The following AGAP1 variants were observed in gnomAD, a reference collection of about 807,000 sequenced individuals.
AGAP1 encodes the protein arf-GAP with GTPase, ANK repeat and PH domain-containing protein 1.
A neutral mutation model predicts 105.3 loss-of-function variants in AGAP1; 29 were observed. The observed-to-expected ratio is 0.28, with a 90% CI of 0.21 to 0.38. The LOEUF is 0.38. AGAP1 is among the 10% of genes least tolerant of loss of function. AGAP1 has a pLI of 1.00. For missense variants in AGAP1, 998 were observed against 1,165.1 expected (o/e 0.86, Z 2.09); for synonymous variants, 509 against 485.9 (o/e 1.05, Z -0.63).
chr2:235,511,711 T>A (rs1031939760), intron 1 of AGAP1, among the ~76,000 whole-genome samples: 17 of 152,024 alleles, frequency 1.1e-4, no homozygotes. Flanking sequence ...CCCTGGCAGT[T>A]CTTCTATTTG....
rs572296791 is a variant in AGAP1, at chr2:236,044,347, G to A, written c.1891+3506G>A. On this transcript the variant is annotated intron_variant, in intron 15 of 17. Coordinates refer to ENST00000304032, the MANE Select transcript of AGAP1 (RefSeq NM_001037131.3). This position sits in a 1 kb window ranked among gnomAD's most constrained non-coding sequence, Gnocchi z 5.7. ...CCTGAGGGCCCCTGAGAATCCTAGG[G>A]CTTGGGACCCTCAGTGGCTCTCACC... 6.6e-6 allele frequency among the ~76,000 whole-genome samples: 1 copy of A among 152,256 alleles called. No individual in the cohort carries two copies. Among genetic ancestry groups the A allele is most frequent in the East Asian group, 1.9e-4 (1 of 5,168 alleles).
At chr2:235,902,726 G>A (rs2051126773) in intron 10 of AGAP1, among the ~76,000 whole-genome samples, 1 of 152,148 alleles carries the variant, frequency 6.6e-6, no homozygotes, top group Non-Finnish European at 1.5e-5. Flanking sequence ...AAAAGTGGCT[G>A]GTTCAGCTTG....
Position 235,806,630 on chromosome 2 carries a change from G to A in AGAP1, c.958-609G>A, listed in dbSNP as rs565484570. 2.2e-4 allele frequency among the ~76,000 whole-genome samples: 33 copies of A among 152,252 alleles called. No homozygotes were observed. The South Asian group carries it at 5.4e-3, about 25-fold the overall frequency. ...ATTATTTCCCAAATACTGACCTTTC[G>A]TCCAAAGGCGATTATCAGGGGTTTT... On this transcript the variant is annotated intron_variant, in intron 8 of 17. Transcript: ENST00000304032.
chr2:235,912,910 G>T (rs1272879565), intron 11 of AGAP1, among the ~76,000 whole-genome samples: 4 of 152,128 alleles, frequency 2.6e-5, no homozygotes, highest in Admixed American at 2.6e-4. Context: ...CATGTATTAG[G>T]TGTATGTGTT....
chr2:235,558,116 G>T (rs1944029760), intron 1 of AGAP1, among the ~76,000 whole-genome samples: 1 of 152,160 alleles, frequency 6.6e-6, no homozygotes, highest in Admixed American at 6.5e-5. Context: ...TCCCTGTGTG[G>T]AAGGGGCCTT....
rs1411736206 is a variant in AGAP1 at position 235,572,494 on chromosome 2, C to G, written c.163+77645C>G. On this transcript the variant is annotated intron_variant, in intron 1 of 17. Transcript: ENST00000304032. ...AGGTGCTCCTCTGTCCTCTAGATGTCCTGCCTCCTGCGTCCTTTGCACCAT... is the reference window on the plus strand; with the variant it reads ...AGGTGCTCCTCTGTCCTCTAGATGTGCTGCCTCCTGCGTCCTTTGCACCAT... Among the ~76,000 whole-genome samples, 3 of 152,116 alleles carry G rather than the reference C, an allele frequency of 2.0e-5. No individual in the cohort carries two copies. The East Asian group carries it at 5.8e-4, about 29-fold the overall frequency.
At chr2:235,921,196 C>T (rs1262681369) in intron 11 of AGAP1, among the ~76,000 whole-genome samples, 3 of 152,044 alleles carry the variant, frequency 2.0e-5, no homozygotes, top group African/African-American at 7.2e-5. Flanking sequence ...CCAAAACTAT[C>T]CAGAAGTAGA....
intron 16 of AGAP1, among the ~76,000 whole-genome samples, chr2:236,106,985 G>A (rs560477977): frequency 1.3e-5 from 2 of 152,298 alleles, no homozygotes; most frequent in South Asian, 2.1e-4. Flanking sequence ...CATCCTGTGC[G>A]GAGGCTCAAT....
intron 3 of AGAP1, among the ~76,000 whole-genome samples, chr2:235,726,505 G>C (rs565621468): frequency 2.0e-5 from 3 of 152,290 alleles, no homozygotes; most frequent in African/African-American, 7.2e-5. Flanking sequence ...GCATTTACCT[G>C]TTTATTGCGG....
Position 235,877,124 on chromosome 2 carries a change from C to T in AGAP1, c.1051-6221C>T, listed in dbSNP as rs1224158666. Among the ~76,000 whole-genome samples the T allele has an allele frequency of 1.3e-5, 2 of 152,050 alleles. No homozygotes were observed. Among genetic ancestry groups the T allele is most frequent in the African/African-American group, 4.8e-5 (2 of 41,376 alleles). ...CCTCCCAAAGTGCTGGAATTACAGG[C>T]ATGAGCCACCACGCCCTGCCAGAGC... On this transcript the variant is annotated intron_variant, in intron 9 of 17. Coordinates refer to ENST00000304032, the MANE Select transcript of AGAP1 (RefSeq NM_001037131.3). This position sits in a 1 kb window ranked among gnomAD's most constrained non-coding sequence, Gnocchi z 4.3.
Position 235,908,735 on chromosome 2 carries a change from C to T in AGAP1, c.1156-3C>T, listed in dbSNP as rs1470004460. 7.0e-6 allele frequency: 11 copies of T among 1,578,218 alleles called. No individual in the cohort carries two copies. The Admixed American group carries it at 2.1e-4, about 29-fold the overall frequency. On this transcript the variant is annotated splice_region_variant and splice_polypyrimidine_tract_variant and intron_variant, in intron 10 of 17. Coordinates refer to ENST00000304032, the MANE Select transcript of AGAP1 (RefSeq NM_001037131.3). The surrounding 1 kb of genome is among the most constrained non-coding windows in gnomAD (Gnocchi z 4.4). ...TCTCTTGGATGTTTAACATTTTCAA[C>T]AGGATTACATGCAGAATGTTCATGG...
chr2:235,646,563 T>C (rs1947393879), intron 1 of AGAP1, among the ~76,000 whole-genome samples: 1 of 152,232 alleles, frequency 6.6e-6, no homozygotes. Flanking sequence ...TGGGTTAGGC[T>C]TGCTGAATTT....
At chr2:235,509,618 A>G (rs997522774) in intron 1 of AGAP1, among the ~76,000 whole-genome samples, 34 of 152,094 alleles carry the variant, frequency 2.2e-4, no homozygotes, top group Non-Finnish European at 4.3e-4. Flanking sequence ...CAACTGAGGT[A>G]TGGAAGGCAA....
rs1384034749 is a variant in AGAP1, at chr2:235,905,801, A to T, written c.1156-2937A>T. On this transcript the variant is annotated intron_variant, in intron 10 of 17. Transcript: ENST00000304032. The surrounding 1 kb of genome is among the most constrained non-coding windows in gnomAD (Gnocchi z 4.2). ...GGCGTGAGCCACCGCGCCCCGCCTGATGTGCTTTTCATTTGTCACCCTCAA... is the reference window on the plus strand; with the variant it reads ...GGCGTGAGCCACCGCGCCCCGCCTGTTGTGCTTTTCATTTGTCACCCTCAA... 6.6e-6 allele frequency among the ~76,000 whole-genome samples: 1 copy of T among 152,136 alleles called. No homozygotes were observed. Among genetic ancestry groups the T allele is most frequent in the African/African-American group, 2.4e-5 (1 of 41,440 alleles).
chr2:235,756,527 T>C (rs926267295), intron 6 of AGAP1, among the ~76,000 whole-genome samples: 1 of 152,162 alleles, frequency 6.6e-6, no homozygotes, highest in African/African-American at 2.4e-5. Context: ...CGATGCCCTT[T>C]CTCTCTTCAC....
In AGAP1 at chr2:236,120,418, A is replaced by C; in HGVS notation, c.2341A>C (p.Asn781His). The C allele has an allele frequency of 6.2e-7, 1 of 1,611,398 alleles. No individual in the cohort carries two copies. The highest frequency in any genetic ancestry group is 8.5e-7 in the Non-Finnish European group (1 of 1,179,768). The change falls in exon 17 of 18, where the codon AAT becomes CAT. Residue 781 changes from asparagine (N) to histidine (H), a missense_variant. Physicochemically the swap from Asn to His is moderately conservative, Grantham distance 68 (BLOSUM62 1). Transcript: ENST00000304032. The surrounding 1 kb of genome is among the most constrained non-coding windows in gnomAD (Gnocchi z 6.0). ...TALHLACRKG[N>H]VVLAQLLIWY... The stretch of plus-strand genomic sequence containing the variant: ...GCTGCATCTGGCCTGCCGCAAGGGG[A>C]ATGTGGTCCTGGCGCAGCTCCTGAT...
intron 16 of AGAP1, among the ~76,000 whole-genome samples, chr2:236,071,013 A>G (rs1330947561): frequency 6.6e-6 from 1 of 152,228 alleles, no homozygotes; most frequent in Admixed American, 6.5e-5. Flanking sequence ...GGGAAAAATC[A>G]AAGAGAGCAT....
Position 235,926,291 on chromosome 2 carries a change from T to C in AGAP1, c.1325-4474T>C, listed in dbSNP as rs535165967. 1.7e-4 allele frequency among the ~76,000 whole-genome samples: 26 copies of C among 152,318 alleles called. No homozygotes were observed. In the South Asian group the frequency reaches 5.4e-3, roughly 32 times the overall value. ...AGATTCACTCCACATTTGGGGGTGG[T>C]TCGTTTCTTTGACGGGTGGATTTAC... On this transcript the variant is annotated intron_variant, in intron 11 of 17. Coordinates refer to ENST00000304032, the MANE Select transcript of AGAP1 (RefSeq NM_001037131.3).
At chr2:235,969,225 G>A (rs752659058) in intron 13 of AGAP1, among the ~76,000 whole-genome samples, 1 of 151,680 alleles carries the variant, frequency 6.6e-6, no homozygotes, top group Non-Finnish European at 1.5e-5. Flanking sequence ...CTGGATGTCA[G>A]CTTCCTGAAG....
Sources: gnomAD v4.1 joint callset for allele counts (sites outside exome capture counted in the v4.1 genomes callset) on GRCh38, gnomAD v4.1.1 for gene constraint, Gnocchi (gnomAD v3.1) non-coding constraint, MANE v1.5 for transcripts, NCBI Gene and HGNC (gene_info 2026-07-23, HGNC 2026-07-21) for gene names.